Variants in HUNK observed in about 807,000 individuals in gnomAD.
The protein encoded by HUNK is hormonally up-regulated Neu-associated kinase, also known as hormonally up-regulated neu tumor-associated kinase.
In HUNK, 21 loss-of-function variants were observed where a neutral mutation model predicts 61.0. That is an observed-to-expected ratio of 0.34 (90% CI 0.24 to 0.50). The LOEUF (loss-of-function observed/expected upper bound fraction) is 0.50, where lower values mean the gene tolerates loss of function less well. HUNK is among the 20% of genes least tolerant of loss of function. The pLI is 0.98. For missense variants in HUNK, 772 were observed against 945.7 expected (o/e 0.82, Z 2.41); for synonymous variants, 371 against 386.1 (o/e 0.96, Z 0.46).
At position 31,873,466 on chromosome 21, in the gene HUNK, G is replaced by A. The variant is rs997646343; in HGVS notation, c.-209G>A. ...TTTTGGGGGCGGGGTCCCCGGTCCC[G>A]CGTCCCCTGGGCAGCCGCTATTGTC... On this transcript the variant is annotated 5_prime_UTR_variant, in exon 1 of 11. Transcript: ENST00000270112. The surrounding 1 kb of genome is among the most constrained non-coding windows in gnomAD (Gnocchi z 6.1). The A allele has an allele frequency of 6.9e-5, 14 of 203,606 alleles. No individual in the cohort carries two copies. The highest frequency in any genetic ancestry group is 2.4e-4 in the African/African-American group (10 of 42,344). 12.6% of individuals were successfully genotyped at this position (203,606 alleles called of 1,614,324 possible). A position where few individuals can be genotyped will look rare whatever the true frequency, so the allele number is the denominator to read the frequency against.
chr21:31,886,592 A>G (rs370937906), intron 1 of HUNK, among the ~76,000 whole-genome samples: 1 of 152,142 alleles, frequency 6.6e-6, no homozygotes, highest in Non-Finnish European at 1.5e-5. Context: ...TGTAAGCCCC[A>G]TGAGGAAGAG....
chr21:31,915,561 A>AT (rs1331785426), intron 1 of HUNK, among the ~76,000 whole-genome samples: 2 of 151,684 alleles, frequency 1.3e-5, no homozygotes, highest in African/African-American at 2.4e-5. Flanking sequence ...TGATCAGTAT[A>AT]TTTTTTTTCT....
At chr21:31,931,714 C>T (rs1008598952) in intron 2 of HUNK, among the ~76,000 whole-genome samples, 8 of 152,168 alleles carry the variant, frequency 5.3e-5, no homozygotes, top group African/African-American at 1.9e-4. Context: ...CCTCCCCTTC[C>T]CTCCTCTCCT....
intron 9 of HUNK, 132 bp downstream of exon 9, chr21:31,990,308 G>A: frequency 1.2e-6 from 1 of 840,068 alleles, no homozygotes; most frequent in Non-Finnish European, 1.9e-6. Flanking sequence ...TGTGGGGGTT[G>A]GCTGGAAGTC....
chr21:31,999,003 A>G lies in HUNK; in HGVS notation c.1964A>G (p.Asn655Ser), dbSNP rs552603882. The G allele has an allele frequency of 2.1e-5, 34 of 1,614,014 alleles. No homozygotes were observed. The highest frequency in any genetic ancestry group is 6.6e-5 in the South Asian group (6 of 91,078). ...NGPMQPLGSP[N>S]CVKSRGRFPM... is the part of the protein sequence containing the mutation. Reference sequence around the variant, plus strand: ...CCCATGCAGCCTCTGGGGAGCCCCAATTGTGTGAAAAGCCGAGGCCGGTTC... The same window carrying G: ...CCCATGCAGCCTCTGGGGAGCCCCAGTTGTGTGAAAAGCCGAGGCCGGTTC... Residue 655 changes from asparagine (N) to serine (S), a missense_variant, in exon 11 of 11, where the codon AAT becomes AGT. Around this residue, in one of 2 missense-constraint regions of HUNK, gnomAD observed 413 missense variants for 444.4 expected, o/e 0.93. Transcript: ENST00000270112.
chr21:31,996,809 C>T (rs960383697), intron 10 of HUNK, among the ~76,000 whole-genome samples: 5 of 152,206 alleles, frequency 3.3e-5, no homozygotes, highest in Non-Finnish European at 5.9e-5. Context: ...CTTGAACCTG[C>T]CTCCTGTCCT....
intron 3 of HUNK, 149 bp from the exon 4 acceptor site, chr21:31,945,887 G>T: frequency 1.3e-6 from 1 of 762,774 alleles, no homozygotes; most frequent in Admixed American, 2.6e-5. Flanking sequence ...GTTTGCAGCT[G>T]CTACAGTTTT....
At position 31,924,777 on chromosome 21, in the gene HUNK, G is replaced by A. The variant is rs200760697; in HGVS notation, c.554+17G>A. 949 of 1,569,718 alleles carry A rather than the reference G, an allele frequency of 6.0e-4. 2 individuals carry two copies. Among genetic ancestry groups the A allele is most frequent in the Non-Finnish European group, 7.2e-4 (833 of 1,158,714 alleles). Reference sequence around the variant, plus strand: ...GGTCCACAGGTAAGGGCCAGGCCACGCTGGTGATCGCTGACTGTGTGCTCC... The same window carrying A: ...GGTCCACAGGTAAGGGCCAGGCCACACTGGTGATCGCTGACTGTGTGCTCC... On this transcript the variant is annotated intron_variant, in intron 2 of 10. Transcript: ENST00000270112. This position sits in a 1 kb window ranked among gnomAD's most constrained non-coding sequence, Gnocchi z 5.1.
At chr21:31,976,247 G>A (rs558139878) in intron 7 of HUNK, among the ~76,000 whole-genome samples, 1 of 152,064 alleles carries the variant, frequency 6.6e-6, no homozygotes, top group East Asian at 1.9e-4. Flanking sequence ...CTCATAGAAA[G>A]CTACTGGAGA....
At chr21:31,982,894 C>T (rs536185769) in intron 7 of HUNK, among the ~76,000 whole-genome samples, 17 of 152,306 alleles carry the variant, frequency 1.1e-4, no homozygotes, top group African/African-American at 4.1e-4. Flanking sequence ...GCCTCCACCT[C>T]CCGGATTCAA....
intron 9 of HUNK, among the ~76,000 whole-genome samples, chr21:31,995,111 A>G (rs79438651): frequency 6.9e-6 from 1 of 145,474 alleles, no homozygotes; most frequent in East Asian, 2.1e-4. Flanking sequence ...GTGAGATATG[A>G]TGACACCACT....
intron 7 of HUNK, among the ~76,000 whole-genome samples, chr21:31,977,851 T>C (rs994099117): frequency 6.6e-6 from 1 of 152,278 alleles, no homozygotes; most frequent in East Asian, 1.9e-4. Flanking sequence ...CGCTTGAGCC[T>C]GGGAAGTCGA....
intron 2 of HUNK, among the ~76,000 whole-genome samples, chr21:31,932,842 C>T (rs2052707334): frequency 6.6e-6 from 1 of 151,792 alleles, no homozygotes; most frequent in Admixed American, 6.6e-5. Context: ...CCTAAGACAT[C>T]CCCTGCACCC....
intron 5 of HUNK, among the ~76,000 whole-genome samples, chr21:31,966,355 A>G (rs573681676): frequency 2.6e-5 from 4 of 152,242 alleles, no homozygotes; most frequent in Admixed American, 6.5e-5. Flanking sequence ...GGCTGGTTCC[A>G]TATTTTTGCA....
In HUNK at chr21:31,873,862, T is replaced by C; in HGVS notation, c.188T>C (p.Ile63Thr). 6.3e-7 allele frequency: 1 copy of C among 1,585,844 alleles called. No individual in the cohort carries two copies. Among genetic ancestry groups the C allele is most frequent in the Non-Finnish European group, 8.6e-7 (1 of 1,168,230 alleles). ...CACAAGCGCGTGGGCAACTACCTCA[T>C]CGGCAGCAGGAAGCTGGGCGAGGGC... ...QHHKRVGNYL[I>T]GSRKLGEGSF... The change falls in exon 1 of 11, where the codon ATC becomes ACC. Residue 63 changes from isoleucine to threonine, a missense_variant. Physicochemically the swap from Ile to Thr is moderately conservative, Grantham distance 89 (BLOSUM62 -1). Around this residue, in one of 2 missense-constraint regions of HUNK, gnomAD observed 359 missense variants for 501.3 expected, o/e 0.72. Coordinates refer to ENST00000270112, the MANE Select transcript of HUNK (RefSeq NM_014586.2). The surrounding 1 kb of genome is among the most constrained non-coding windows in gnomAD (Gnocchi z 6.1).
At chr21:31,889,245 C>G (rs1301130036) in intron 1 of HUNK, among the ~76,000 whole-genome samples, 1 of 152,176 alleles carries the variant, frequency 6.6e-6, no homozygotes, top group Non-Finnish European at 1.5e-5. Flanking sequence ...CAAGCCATTG[C>G]TTAGTCCCCG....
chr21:31,940,677 A>G (rs2052763058), intron 3 of HUNK, among the ~76,000 whole-genome samples: 1 of 152,214 alleles, frequency 6.6e-6, no homozygotes, highest in South Asian at 2.1e-4. Flanking sequence ...AGGGATAATT[A>G]GAAGTCTGAA....
chr21:31,948,475 C>T (rs939430654), intron 4 of HUNK, among the ~76,000 whole-genome samples: 1 of 152,180 alleles, frequency 6.6e-6, no homozygotes. Context: ...ATCTGTGTTC[C>T]TGGGCCTCAC....
intron 3 of HUNK, among the ~76,000 whole-genome samples, chr21:31,944,117 T>C (rs2052786377): frequency 6.6e-6 from 1 of 152,216 alleles, no homozygotes; most frequent in South Asian, 2.1e-4. Context: ...TCTCGTTCTG[T>C]CTCCCAGGCT....
Sources: gnomAD v4.1 joint callset for allele counts (sites outside exome capture counted in the v4.1 genomes callset) on GRCh38, gnomAD v4.1.1 for gene constraint, gnomAD v4.1.1 regional missense constraint, Gnocchi (gnomAD v3.1) non-coding constraint, MANE v1.5 for transcripts, NCBI Gene and HGNC (gene_info 2026-07-23, HGNC 2026-07-21) for gene names.